MBNL2: variants seen among roughly 807,000 people sequenced by gnomAD.
MBNL2 encodes muscleblind-like protein 2.
MBNL2 carries 17 observed loss-of-function variants against 41.9 expected under a neutral mutation model. The observed-to-expected ratio is 0.41, with a 90% CI of 0.28 to 0.61. MBNL2 has a LOEUF of 0.61. MBNL2 is among the 20% of genes least tolerant of loss of function. The probability of loss-of-function intolerance (pLI) is 0.35; values close to 1 mark genes in which losing one functional copy is unlikely to be tolerated. For synonymous variants in MBNL2, 195 were observed against 182.9 expected, an observed-to-expected ratio of 1.07 and a Z score of -0.53; for missense variants, 336 against 505.6, an observed-to-expected ratio of 0.66 and a Z score of 3.22.
At position 97,334,148 on chromosome 13, in the gene MBNL2, C is replaced by CCACACA. The variant is rs34820289; in HGVS notation, c.175-105_175-100dup. 59,461 of 543,352 alleles carry CCACACA rather than the reference C, an allele frequency of 0.11. 1,197 individuals are homozygous for CCACACA. The highest frequency in any genetic ancestry group is 0.16 in the East Asian group (4,901 of 30,180). 33.7% of individuals were successfully genotyped at this position (543,352 alleles called of 1,614,324 possible). ...AACACATGAGCATGCGCGCGCACAC[C>CCACACA]CACACACACACACACACACACACAC... On this transcript the variant is annotated intron_variant, in intron 2 of 8. Coordinates refer to ENST00000679496, the MANE Select transcript of MBNL2 (RefSeq NM_001382683.1). The surrounding 1 kb of genome is among the most constrained non-coding windows in gnomAD (Gnocchi z 5.3).
intron 5 of MBNL2, among the ~76,000 whole-genome samples, chr13:97,349,803 C>A (rs902759813): frequency 2.0e-5 from 3 of 152,208 alleles, no homozygotes; most frequent in Admixed American, 6.5e-5. Context: ...TATGGCCACA[C>A]CATTCTCTAA....
chr13:97,325,100 G>A (rs1011969833), intron 2 of MBNL2, among the ~76,000 whole-genome samples: 1 of 152,172 alleles, frequency 6.6e-6, no homozygotes. Context: ...CTGGTTTCAT[G>A]TAAGGTTGAT....
chr13:97,166,463 T>TGC, the MBNL2 span, among the ~76,000 whole-genome samples: 1 of 8,960 alleles, frequency 1.1e-4, no homozygotes, highest in Admixed American at 1.4e-3. Flanking sequence ...TGTGTATGTC[T>TGC]GAGGGTGTTG....
intron 8 of MBNL2, among the ~76,000 whole-genome samples, chr13:97,371,420 A>G (rs2064363295): frequency 6.6e-6 from 1 of 152,134 alleles, no homozygotes; most frequent in Non-Finnish European, 1.5e-5. Context: ...AAGAAAGACA[A>G]ATGCAAGTCT....
intron 1 of MBNL2, among the ~76,000 whole-genome samples, chr13:97,266,945 C>T (rs893479368): frequency 3.3e-5 from 5 of 152,222 alleles, no homozygotes; most frequent in African/African-American, 9.6e-5. Flanking sequence ...CCTAGGAGGC[C>T]GATGTCTGGC....
the MBNL2 span, among the ~76,000 whole-genome samples, chr13:97,164,567 G>A: frequency 1.3e-5 from 2 of 152,008 alleles, no homozygotes; most frequent in African/African-American, 4.8e-5. Flanking sequence ...AATGCAAAGA[G>A]AGAAGTGAAA....
intron 8 of MBNL2, among the ~76,000 whole-genome samples, chr13:97,385,179 A>G (rs2153165720): frequency 6.6e-6 from 1 of 152,242 alleles, no homozygotes. Context: ...CAATTAATAA[A>G]TTCCCAGCCC....
chr13:97,185,422 T>A, the MBNL2 span, among the ~76,000 whole-genome samples: 2 of 152,184 alleles, frequency 1.3e-5, no homozygotes, highest in Non-Finnish European at 2.9e-5. Context: ...TCCTGGAACC[T>A]GAGAATATGT....
chr13:97,161,908 C>G, the MBNL2 span, among the ~76,000 whole-genome samples: 1 of 152,140 alleles, frequency 6.6e-6, no homozygotes, highest in Non-Finnish European at 1.5e-5. Context: ...CTGAGGAGTA[C>G]ATCTGTGTCA....
At chr13:97,304,944 G>T (rs2057989314) in intron 2 of MBNL2, among the ~76,000 whole-genome samples, 2 of 152,132 alleles carry the variant, frequency 1.3e-5, no homozygotes, top group African/African-American at 2.4e-5. Flanking sequence ...TATACCTTAA[G>T]ATCTGATTTT....
intron 8 of MBNL2, among the ~76,000 whole-genome samples, chr13:97,389,263 G>A (rs975745638): frequency 1.3e-5 from 2 of 152,034 alleles, no homozygotes; most frequent in African/African-American, 4.8e-5. Flanking sequence ...CATAACCCAC[G>A]TTTGCCCATT....
chr13:97,370,561 C>T (rs1266069922), intron 8 of MBNL2, among the ~76,000 whole-genome samples: 2 of 151,500 alleles, frequency 1.3e-5, no homozygotes, highest in South Asian at 2.1e-4. Flanking sequence ...CCCAGCTACT[C>T]GAGAGGGTGA....
At position 97,357,594 on chromosome 13, in the gene MBNL2, C is replaced by G. The variant is rs2063095693; in HGVS notation, c.971C>G (p.Thr324Ser). The G allele has an allele frequency of 6.2e-7, 1 of 1,614,000 alleles. No individual in the cohort carries two copies. The highest frequency in any genetic ancestry group is 1.1e-5 in the South Asian group (1 of 91,084). Residue 324 changes from threonine to serine, a missense_variant, in exon 7 of 9, where the codon ACC becomes AGC. By Grantham distance (58) the Thr-to-Ser change is moderately conservative. Transcript: ENST00000679496. ...PSVLHYQQAL[T>S]SAQLQQHAAF... ...GTCTTGCACTACCAGCAGGCTCTCA[C>G]CAGCGCACAGTTGCAGCAACACGCC...
intron 2 of MBNL2, among the ~76,000 whole-genome samples, chr13:97,329,693 T>C (rs941527255): frequency 6.3e-3 from 1 of 158 alleles, no homozygotes; most frequent in Non-Finnish European, 9.8e-3. Context: ...ACACACACAA[T>C]ACACACACAT....
At chr13:97,331,263 G>C (rs1359303058) in intron 2 of MBNL2, among the ~76,000 whole-genome samples, 4 of 152,160 alleles carry the variant, frequency 2.6e-5, no homozygotes, top group African/African-American at 9.7e-5. Flanking sequence ...ACAGTCCTGA[G>C]AAGAAGATAC....
At chr13:97,308,129 G>A (rs1450462616) in intron 2 of MBNL2, among the ~76,000 whole-genome samples, 1 of 152,208 alleles carries the variant, frequency 6.6e-6, no homozygotes, top group Non-Finnish European at 1.5e-5. Flanking sequence ...TGGTCCTTTT[G>A]TTGCTGGACG....
chr13:97,222,174 C>G (rs1275173974), upstream of MBNL2: 1 of 370,546 alleles, frequency 2.7e-6, no homozygotes, highest in Non-Finnish European at 4.8e-6. Flanking sequence ...AGTATGGATG[C>G]ACTGTTTTTA....
At chr13:97,185,592 T>A in the MBNL2 span, among the ~76,000 whole-genome samples, 1 of 151,916 alleles carries the variant, frequency 6.6e-6, no homozygotes, top group Non-Finnish European at 1.5e-5. Context: ...AAAGCTGAGG[T>A]TGGAGTGAGA....
intron 1 of MBNL2, among the ~76,000 whole-genome samples, chr13:97,237,161 C>G (rs2043429765): frequency 6.6e-6 from 1 of 152,204 alleles, no homozygotes; most frequent in Non-Finnish European, 1.5e-5. Context: ...GTAGGAAGCA[C>G]GAGTTACCAA....
Sources: allele counts gnomAD v4.1 joint callset (sites outside exome capture counted in the v4.1 genomes callset), GRCh38; gene constraint gnomAD v4.1.1; non-coding constraint Gnocchi (gnomAD v3.1); transcripts MANE v1.5; gene names NCBI Gene and HGNC (gene_info 2026-07-23, HGNC 2026-07-21).